The following STX6 variants were observed in gnomAD, a reference collection of about 807,000 sequenced individuals.
The protein encoded by STX6 is syntaxin 6, also known as syntaxin-6.
In STX6, 23 loss-of-function variants were observed where a neutral mutation model predicts 38.0. The ratio of observed to expected loss-of-function variants is 0.60; its 90% confidence interval spans 0.43 to 0.86. The LOEUF is 0.86. Among genes scored for constraint, STX6 ranks in the 40% least tolerant of loss-of-function variants. The pLI, the probability that STX6 is intolerant of heterozygous loss-of-function variation, is 0.00. For synonymous variants in STX6, 123 were observed against 107.5 expected, an observed-to-expected ratio of 1.14 and a Z score of -0.89; for missense variants, 274 against 312.9, an observed-to-expected ratio of 0.88 and a Z score of 0.94.
At chr1:181,011,428 G>A (rs1444091190) in intron 1 of STX6, among the ~76,000 whole-genome samples, 1 of 152,194 alleles carries the variant, frequency 6.6e-6, no homozygotes, top group African/African-American at 2.4e-5. Context: ...AGAAAACAAT[G>A]TTGGTCACAA....
intron 1 of STX6, among the ~76,000 whole-genome samples, chr1:181,009,534 A>C (rs1257738436): frequency 6.6e-6 from 1 of 152,190 alleles, no homozygotes; most frequent in Non-Finnish European, 1.5e-5. Flanking sequence ...ACATATGACA[A>C]ATAGCACAGG....
chr1:180,992,255 C>CA (rs977074750), intron 4 of STX6, among the ~76,000 whole-genome samples: 4 of 151,862 alleles, frequency 2.6e-5, no homozygotes, highest in South Asian at 2.1e-4. Flanking sequence ...ATTAAAAAGC[C>CA]AAAAACAAAA....
intron 3 of STX6, among the ~76,000 whole-genome samples, chr1:181,001,547 C>T (rs1183030406): frequency 5.3e-5 from 8 of 152,100 alleles, no homozygotes; most frequent in African/African-American, 1.4e-4. Context: ...AACTCTGGAA[C>T]GGCTGTCAAG....
intron 3 of STX6, among the ~76,000 whole-genome samples, chr1:181,001,553 T>C (rs1656079948): frequency 6.6e-6 from 1 of 152,224 alleles, no homozygotes; most frequent in South Asian, 2.1e-4. Context: ...GGAACGGCTG[T>C]CAAGTAGTTA....
At chr1:181,003,006 G>C (rs992545288) in intron 2 of STX6, among the ~76,000 whole-genome samples, 4 of 152,202 alleles carry the variant, frequency 2.6e-5, no homozygotes, top group African/African-American at 7.2e-5. Context: ...GCCAACACTT[G>C]TGTCTATCCT....
At chr1:180,999,482 TGTGA>T (rs1656015674) in intron 3 of STX6, among the ~76,000 whole-genome samples, 1 of 152,146 alleles carries the variant, frequency 6.6e-6, no homozygotes, top group African/African-American at 2.4e-5. Context: ...TACACAAAAA[TGTGA>T]GTATTTTGGT....
rs1323939639 is a variant in STX6 at position 180,975,410 on chromosome 1, G to GC, written c.*1159dup. The GC allele has an allele frequency of 6.6e-6, 1 of 152,466 alleles. No homozygotes were observed. Among genetic ancestry groups the GC allele is most frequent in the Non-Finnish European group, 1.5e-5 (1 of 68,016 alleles). 9.4% of individuals were successfully genotyped at this position (152,466 alleles called of 1,614,324 possible). On this transcript the variant is annotated 3_prime_UTR_variant, in exon 8 of 8. Coordinates refer to ENST00000258301, the MANE Select transcript of STX6 (RefSeq NM_005819.6). ...TTTCAGCTACTTAAACTCAATTAAA[G>GC]CATCTATCATTTAAATTTGGATTGG...
intron 6 of STX6, among the ~76,000 whole-genome samples, chr1:180,986,484 T>C (rs1158632587): frequency 6.6e-6 from 1 of 152,252 alleles, no homozygotes; most frequent in Non-Finnish European, 1.5e-5. Flanking sequence ...ATGTGGCTAG[T>C]AGCTATTATA....
intron 7 of STX6, chr1:180,980,772 A>C (rs1655390168): frequency 6.6e-6 from 1 of 152,122 alleles, no homozygotes; most frequent in South Asian, 2.1e-4. Flanking sequence ...CAAAACTTGG[A>C]AGCAACCAAG....
chr1:181,005,469 A>G lies in STX6; in HGVS notation c.36-6T>C, dbSNP rs774279249. 1.2e-6 allele frequency: 2 copies of G among 1,610,292 alleles called. No homozygotes were observed. Among genetic ancestry groups the G allele is most frequent in the East Asian group, 4.5e-5 (2 of 44,796 alleles). On this transcript the variant is annotated splice_polypyrimidine_tract_variant and splice_region_variant and intron_variant, in intron 1 of 7. Coordinates refer to ENST00000258301, the MANE Select transcript of STX6 (RefSeq NM_005819.6). ...TGACTGCTTTCTGTACCTCTCTGTAATCAAGATGAGGCAAAGGAGAGAAAT... is the reference window on the plus strand; with the variant it reads ...TGACTGCTTTCTGTACCTCTCTGTAGTCAAGATGAGGCAAAGGAGAGAAAT...
At chr1:181,005,533 A>C (rs1656199972) in intron 1 of STX6, 70 bp from the exon 2 acceptor site, 4 of 1,482,990 alleles carry the variant, frequency 2.7e-6, no homozygotes, top group Non-Finnish European at 2.8e-6. Flanking sequence ...TGCATGATTT[A>C]GGTTAACATT....
intron 1 of STX6, among the ~76,000 whole-genome samples, chr1:181,010,367 T>C (rs759428353): frequency 3.3e-5 from 5 of 152,182 alleles, no homozygotes; most frequent in Non-Finnish European, 7.3e-5. Flanking sequence ...AGTGGTGCCA[T>C]TTCAGCTCAC....
At chr1:181,013,907 G>C (rs956853253) in intron 1 of STX6, among the ~76,000 whole-genome samples, 1 of 152,202 alleles carries the variant, frequency 6.6e-6, no homozygotes, top group Admixed American at 6.5e-5. Flanking sequence ...GCTCAGGGTA[G>C]CCTATACTTG....
chr1:181,008,432 A>G (rs927111565), intron 1 of STX6, among the ~76,000 whole-genome samples: 1 of 152,180 alleles, frequency 6.6e-6, no homozygotes, highest in Non-Finnish European at 1.5e-5. Flanking sequence ...CCCAGTGAGC[A>G]TTTCTTTTGA....
chr1:180,986,133 T>C (rs1373450744), intron 6 of STX6, among the ~76,000 whole-genome samples: 1 of 152,204 alleles, frequency 6.6e-6, no homozygotes, highest in East Asian at 1.9e-4. Flanking sequence ...AACAGGCACA[T>C]CATCAGGCAC....
intron 1 of STX6, among the ~76,000 whole-genome samples, chr1:181,012,338 C>T (rs1571351958): frequency 6.6e-6 from 1 of 152,196 alleles, no homozygotes; most frequent in Admixed American, 6.5e-5. Context: ...GTCACACATG[C>T]TGCCCAAATC....
Position 180,976,391 on chromosome 1 carries a change from G to A in STX6, c.*179C>T. On this transcript the variant is annotated 3_prime_UTR_variant, in exon 8 of 8. Transcript: ENST00000258301. ...AGACATCTATTTCCTCTTCCCACTG[G>A]CCCTTCCAGCGCTGGGATGGAGGAG... The A allele has an allele frequency of 1.6e-6, 1 of 611,708 alleles. No homozygotes were observed. Among genetic ancestry groups the A allele is most frequent in the African/African-American group, 1.8e-5 (1 of 54,602 alleles). 37.9% of individuals were successfully genotyped at this position (611,708 alleles called of 1,614,324 possible).
At chr1:181,010,696 C>T (rs1420087854) in intron 1 of STX6, among the ~76,000 whole-genome samples, 6 of 151,964 alleles carry the variant, frequency 3.9e-5, no homozygotes, top group Admixed American at 2.0e-4. Context: ...AAGCATGGCA[C>T]GACACCACTG....
At chr1:181,007,820 G>A (rs1050744302) in intron 1 of STX6, among the ~76,000 whole-genome samples, 1 of 152,154 alleles carries the variant, frequency 6.6e-6, no homozygotes, top group African/African-American at 2.4e-5. Context: ...AAAAATATTT[G>A]TCAACTTTAA....
Sources: allele counts gnomAD v4.1 joint callset (sites outside exome capture counted in the v4.1 genomes callset), GRCh38; gene constraint gnomAD v4.1.1; transcripts MANE v1.5; gene names NCBI Gene and HGNC (gene_info 2026-07-23, HGNC 2026-07-21).